PRLR: variants seen among roughly 807,000 people sequenced by gnomAD.
PRLR encodes the protein hPRL receptor.
A neutral mutation model predicts 40.2 loss-of-function variants in PRLR; 13 were observed. That is an observed-to-expected ratio of 0.32 (90% CI 0.21 to 0.51). The LOEUF is 0.51. Ranked by LOEUF, PRLR falls within the 20% of genes least tolerant of loss-of-function variation. PRLR has a pLI of 0.97. For missense variants in PRLR, 656 were observed against 747.3 expected, an observed-to-expected ratio of 0.88 and a Z score of 1.42; for synonymous variants, 269 against 278.7, an observed-to-expected ratio of 0.97 and a Z score of 0.35.
chr5:35,172,737 C>A (rs557140118), intron 1 of PRLR, among the ~76,000 whole-genome samples: 1 of 152,324 alleles, frequency 6.6e-6, no homozygotes, highest in East Asian at 1.9e-4. Flanking sequence ...CCTGTCCTCC[C>A]ACCAGGCCAT....
At chr5:35,097,894 A>C (rs1771630763) in intron 2 of PRLR, among the ~76,000 whole-genome samples, 1 of 152,122 alleles carries the variant, frequency 6.6e-6, no homozygotes, top group Non-Finnish European at 1.5e-5. Context: ...CAAGTTTTGG[A>C]GCCTGAGCTC....
chr5:35,081,778 A>AACACACACACACACAC (rs71974696), intron 5 of PRLR: 1 of 136,710 alleles, frequency 7.3e-6, no homozygotes, highest in Non-Finnish European at 1.7e-5. Flanking sequence ...GCAATACACA[A>AACACACACACACACAC]ACACACACAC....
chr5:35,191,261 G>A lies in PRLR; in HGVS notation c.-106+39007C>T, dbSNP rs1400849060. 2.8e-5 allele frequency among the ~76,000 whole-genome samples: 3 copies of A among 107,220 alleles called. 1 individual carries two copies. Among genetic ancestry groups the A allele is most frequent in the Non-Finnish European group, 4.1e-5 (2 of 48,302 alleles). The allele number at this position is 107,220 out of a possible 152,430, so 70.3% of individuals were successfully genotyped here. A position where few individuals can be genotyped will look rare whatever the true frequency, so the allele number is the denominator to read the frequency against. On this transcript the variant is annotated intron_variant, in intron 1 of 9. Transcript: ENST00000618457. ...AATTTTTTGTATTTTTAGTAGAGAC[G>A]GGGTTTCACCGTTTTAGCCGGGATG...
exon 9 of PRLR, chr5:35,048,778 C>T: frequency 9.8e-6 from 2 of 203,868 alleles, no homozygotes; most frequent in Admixed American, 1.0e-4. Context: ...TTTTTAAGAT[C>T]CAACCAGGTT....
chr5:35,081,525 G>A (rs1483430682), intron 5 of PRLR: 1 of 159,832 alleles, frequency 6.3e-6, no homozygotes, highest in Non-Finnish European at 1.4e-5. Context: ...GGTTATACGA[G>A]AGTTCCGTGG....
chr5:35,181,109 CT>C (rs77705912), intron 1 of PRLR, among the ~76,000 whole-genome samples: 14,458 of 152,226 alleles, frequency 0.095, 907 homozygotes, highest in Non-Finnish European at 0.12. Context: ...TCTCAAGGCT[CT>C]GTGCAAATGG....
intron 1 of PRLR, among the ~76,000 whole-genome samples, chr5:35,149,782 T>C (rs1179222343): frequency 3.3e-5 from 5 of 152,216 alleles, no homozygotes; most frequent in African/African-American, 1.2e-4. Context: ...TTTCAAAGCA[T>C]GATTTGGTAC....
At chr5:35,209,645 T>C (rs192188691) in intron 1 of PRLR, among the ~76,000 whole-genome samples, 48 of 152,322 alleles carry the variant, frequency 3.2e-4, no homozygotes, top group Admixed American at 5.2e-4. Flanking sequence ...TCTTCTGAAG[T>C]ATGTGCCAGA....
chr5:35,083,401 G>A (rs1770641064), intron 5 of PRLR, among the ~76,000 whole-genome samples: 1 of 151,774 alleles, frequency 6.6e-6, no homozygotes, highest in Non-Finnish European at 1.5e-5. Context: ...GGCAGCACCA[G>A]TAGATGCAGA....
At chr5:35,087,987 C>T (rs1770967026) in intron 3 of PRLR, among the ~76,000 whole-genome samples, 1 of 152,210 alleles carries the variant, frequency 6.6e-6, no homozygotes, top group African/African-American at 2.4e-5. Flanking sequence ...TTCTCCTCTA[C>T]CCCTCATGCA....
chr5:35,126,133 T>G (rs1773455203), intron 1 of PRLR, among the ~76,000 whole-genome samples: 1 of 152,156 alleles, frequency 6.6e-6, no homozygotes, highest in Non-Finnish European at 1.5e-5. Flanking sequence ...GTGCTGTGGG[T>G]AGGTAAGTGA....
intron 1 of PRLR, among the ~76,000 whole-genome samples, chr5:35,201,807 T>A (rs532270763): frequency 6.6e-6 from 1 of 152,232 alleles, no homozygotes; most frequent in East Asian, 1.9e-4. Context: ...CATAAATTGG[T>A]AAAGAAAAAA....
At chr5:35,066,581 C>T (rs1326361981) in intron 9 of PRLR, among the ~76,000 whole-genome samples, 1 of 151,128 alleles carries the variant, frequency 6.6e-6, no homozygotes, top group Non-Finnish European at 1.5e-5. Context: ...TCTTATTTCC[C>T]CTTCCCTTCT....
intron 1 of PRLR, among the ~76,000 whole-genome samples, chr5:35,227,873 T>C (rs1344751398): frequency 6.6e-6 from 1 of 152,224 alleles, no homozygotes; most frequent in Non-Finnish European, 1.5e-5. Flanking sequence ...CTAGCTGTTT[T>C]GTACTCAAGA....
At chr5:35,107,158 A>G (rs1043115165) in intron 2 of PRLR, among the ~76,000 whole-genome samples, 2 of 152,226 alleles carry the variant, frequency 1.3e-5, no homozygotes, top group Non-Finnish European at 2.9e-5. Flanking sequence ...GGCAGAAAGA[A>G]AGATGTTCTT....
At chr5:35,122,382 C>T (rs562414789) in intron 1 of PRLR, among the ~76,000 whole-genome samples, 5 of 152,154 alleles carry the variant, frequency 3.3e-5, no homozygotes, top group Non-Finnish European at 4.4e-5. Flanking sequence ...CTATTCTTCC[C>T]GATGCTCTCC....
intron 1 of PRLR, among the ~76,000 whole-genome samples, chr5:35,138,751 A>G (rs1391876237): frequency 6.6e-6 from 1 of 152,236 alleles, no homozygotes; most frequent in Non-Finnish European, 1.5e-5. Flanking sequence ...TCATTCAGAA[A>G]TTCTTCAAAG....
Position 35,118,062 on chromosome 5 carries a change from T to C in PRLR, c.-45A>G, listed in dbSNP as rs2111711920. 2 of 985,130 alleles carry C rather than the reference T, an allele frequency of 2.0e-6. No individual in the cohort carries two copies. The highest frequency in any genetic ancestry group is 2.4e-6 in the Non-Finnish European group (2 of 829,300). The allele number at this position is 985,130 out of a possible 1,614,324, so 61.0% of individuals were successfully genotyped here. A position where few individuals can be genotyped will look rare whatever the true frequency, so the allele number is the denominator to read the frequency against. On this transcript the variant is annotated splice_region_variant and 5_prime_UTR_variant, in exon 2 of 10. Transcript: ENST00000618457. Reference sequence around the variant, plus strand: ...GGCATGAGAACAAGTCCCCCTTACCTTCAGGGTTCATGTGGAAAGCATCCT... The same window carrying C: ...GGCATGAGAACAAGTCCCCCTTACCCTCAGGGTTCATGTGGAAAGCATCCT...
chr5:35,139,171 G>C (rs1189810760), intron 1 of PRLR, among the ~76,000 whole-genome samples: 1 of 152,164 alleles, frequency 6.6e-6, no homozygotes, highest in Admixed American at 6.6e-5. Context: ...GTCTCACTCT[G>C]TCATCCAGGC....
Sources: gnomAD v4.1 joint callset for allele counts (sites outside exome capture counted in the v4.1 genomes callset) on GRCh38, gnomAD v4.1.1 for gene constraint, MANE v1.5 for transcripts, NCBI Gene and HGNC (gene_info 2026-07-23, HGNC 2026-07-21) for gene names.